Variants in GRIN3B observed in about 807,000 individuals in gnomAD.
The protein encoded by GRIN3B is glutamate receptor ionotropic, NMDA 3B.
Under a neutral mutation model 66.0 loss-of-function variants are expected in GRIN3B, and 77 were observed. The ratio of observed to expected loss-of-function variants is 1.17; its 90% CI spans 0.97 to 1.41. The LOEUF (loss-of-function observed/expected upper bound fraction) is 1.41. Ranked by LOEUF, GRIN3B falls within the 40% of genes most tolerant of loss-of-function variation. The pLI, the probability that GRIN3B is intolerant of heterozygous loss-of-function variation, is 0.00. For synonymous variants in GRIN3B, 823 were observed against 749.7 expected (o/e 1.10, Z -1.60); for missense variants, 1,787 against 1,564.5 (o/e 1.14, Z -2.40).
intron 8 of GRIN3B, 42 bp from the exon 9 acceptor site, chr19:1,009,131 G>A (rs760889469): frequency 3.5e-5 from 50 of 1,441,406 alleles, no homozygotes; most frequent in Non-Finnish European, 4.3e-5. Flanking sequence ...GGCGCGAGAC[G>A]GCTGCCCCGG....
intron 1 of GRIN3B, among the ~76,000 whole-genome samples, chr19:1,001,331 G>T (rs958190960): frequency 2.0e-5 from 3 of 151,896 alleles, no homozygotes; most frequent in Admixed American, 6.5e-5. Flanking sequence ...GGGGTCTGCA[G>T]GTCTGGATCT....
chr19:1,008,806 C>G, intron 7 of GRIN3B, 24 bp downstream of exon 7: 1 of 1,593,354 alleles, frequency 6.3e-7, no homozygotes. Flanking sequence ...GGGCGGCGGG[C>G]GGCCCCACCC....
intron 2 of GRIN3B, among the ~76,000 whole-genome samples, chr19:1,003,947 G>A (rs972713301): frequency 7.9e-5 from 12 of 152,192 alleles, no homozygotes; most frequent in Non-Finnish European, 1.6e-4. Context: ...ACATTAGCTG[G>A]GCGTGGTGAC....
At chr19:1,006,035 G>A (rs2038744799) in intron 3 of GRIN3B, among the ~76,000 whole-genome samples, 1 of 152,156 alleles carries the variant, frequency 6.6e-6, no homozygotes, top group South Asian at 2.1e-4. Flanking sequence ...AAAACACAGA[G>A]ATGGGGGGCT....
rs1448003337 is a variant in GRIN3B, at chr19:1,007,758, G to A, written c.2183G>A (p.Gly728Asp). 1 of 1,516,108 alleles carries A rather than the reference G, an allele frequency of 6.6e-7. No homozygotes were observed. The highest frequency in any genetic ancestry group is 1.2e-5 in the South Asian group (1 of 80,244). The allele number at this position is 1,516,108 out of a possible 1,614,324, so 93.9% of individuals were successfully genotyped here. ...CACAGCGCGCCCACCACGCCCCGCGGCGTCGCCATGCTCACGTGAGCCCGG... is the reference window on the plus strand; with the variant it reads ...CACAGCGCGCCCACCACGCCCCGCGACGTCGCCATGCTCACGTGAGCCCGG... Reference protein sequence around the residue: ...RRHSAPTTPRGVAMLTSDPPK... With the variant: ...RRHSAPTTPRDVAMLTSDPPK... The change falls in exon 4 of 9, where the codon GGC (glycine) becomes GAC (aspartate). Residue 728 changes from glycine (G) to aspartate (D), a missense_variant. Gly to Asp is a moderately conservative substitution (Grantham distance 94). Transcript: ENST00000234389. This position sits in a 1 kb window ranked among gnomAD's most constrained non-coding sequence, Gnocchi z 4.4.
rs1329037340 is a variant in GRIN3B at position 1,007,586 on chromosome 19, C to T, written c.2053-42C>T. ...GGCGCGCCCCTCAATGGTCAGGGGTCCTGAGGGGCAGGCAGAGGCGCTGAC... is the reference window on the plus strand; with the variant it reads ...GGCGCGCCCCTCAATGGTCAGGGGTTCTGAGGGGCAGGCAGAGGCGCTGAC... On this transcript the variant is annotated intron_variant, in intron 3 of 8. Coordinates refer to ENST00000234389, the MANE Select transcript of GRIN3B (RefSeq NM_138690.3). This position sits in a 1 kb window ranked among gnomAD's most constrained non-coding sequence, Gnocchi z 4.4. 2.8e-6 allele frequency: 4 copies of T among 1,443,424 alleles called. No individual in the cohort carries two copies. The highest frequency in any genetic ancestry group is 3.6e-6 in the Non-Finnish European group (4 of 1,100,250). The allele number at this position is 1,443,424 out of a possible 1,614,324, so 89.4% of individuals were successfully genotyped here. A position where few individuals can be genotyped will look rare whatever the true frequency, so the allele number is the denominator to read the frequency against.
chr19:1,008,133 C>T lies in GRIN3B; in HGVS notation c.2315-7C>T, dbSNP rs1274310800. ...CCTGGCCCCACCGCCTGGCCCCGCG[C>T]CCCCAGGCTATGGGATCGGACTGCC... On this transcript the variant is annotated splice_polypyrimidine_tract_variant and splice_region_variant and intron_variant, in intron 5 of 8. Coordinates refer to ENST00000234389, the MANE Select transcript of GRIN3B (RefSeq NM_138690.3). 1.3e-6 allele frequency: 2 copies of T among 1,587,356 alleles called. No individual in the cohort carries two copies. The highest frequency in any genetic ancestry group is 1.7e-4 in the Middle Eastern group (1 of 6,026).
chr19:1,003,809 A>G (rs2240155), intron 2 of GRIN3B, 87 bp downstream of exon 2: 401,350 of 1,048,260 alleles, frequency 0.38, 79,171 homozygotes, highest in African/African-American at 0.47. Context: ...ACGTGAGGCC[A>G]GACGCGGTGG....
In GRIN3B at chr19:1,004,865, C is replaced by T. The variant is rs149732272; in HGVS notation, c.1364C>T (p.Thr455Ile). The change falls in exon 3 of 9, where the codon ACC becomes ATC. Residue 455 changes from threonine (T) to isoleucine (I), a missense_variant. By Grantham distance (89) the Thr-to-Ile change is moderately conservative. Coordinates refer to ENST00000234389, the MANE Select transcript of GRIN3B (RefSeq NM_138690.3). ...CLDPGTNDSA[T>I]LDALFAALAN... ...GACCCTGGCACCAACGACTCGGCCA[C>T]CCTGGACGCACTGTTCGCCGCGCTG... 22 of 1,611,128 alleles carry T rather than the reference C, an allele frequency of 1.4e-5. No individual in the cohort carries two copies. The highest frequency in any genetic ancestry group is 6.8e-6 in the Non-Finnish European group (8 of 1,178,818).
At chr19:1,006,005 AAAAACAAAAAAC>A (rs962991784) in intron 3 of GRIN3B, among the ~76,000 whole-genome samples, 3 of 152,130 alleles carry the variant, frequency 2.0e-5, no homozygotes, top group Non-Finnish European at 2.9e-5. Context: ...CTCCGTCTCA[AAAAACAAAAAAC>A]AAAACAAAAA....
Position 1,003,368 on chromosome 19 carries a change from TGGC to T in GRIN3B, c.670_672del (p.Ala224del), listed in dbSNP as rs764907013. ...GGACTGCGGGCACGCCTGGCCCCGATGGCGGCGCCAGTGGGGGGTGAAGCACCG... is the reference window on the plus strand; with the variant it reads ...GGACTGCGGGCACGCCTGGCCCCGATGGCGCCAGTGGGGGGTGAAGCACCG... On this transcript the variant is annotated inframe_deletion, in exon 2 of 9. Coordinates refer to ENST00000234389, the MANE Select transcript of GRIN3B (RefSeq NM_138690.3). 8 of 1,573,158 alleles carry T rather than the reference TGGC, an allele frequency of 5.1e-6. 1 individual carries two copies. The highest frequency in any genetic ancestry group is 3.5e-5 in the South Asian group (3 of 86,616).
Position 1,007,449 on chromosome 19 carries a change from G to C in GRIN3B, c.2053-179G>C, listed in dbSNP as rs1031494550. Among the ~76,000 whole-genome samples, 11 of 152,010 alleles carry C rather than the reference G, an allele frequency of 7.2e-5. No individual in the cohort carries two copies. Among genetic ancestry groups the C allele is most frequent in the Non-Finnish European group, 1.5e-4 (10 of 67,958 alleles). Reference sequence around the variant, plus strand: ...GGGGACCCTGGACAGTGTGTGTCTAGAGACAGCTGTGGTGGTCACGCCTGG... The same window carrying C: ...GGGGACCCTGGACAGTGTGTGTCTACAGACAGCTGTGGTGGTCACGCCTGG... On this transcript the variant is annotated intron_variant, in intron 3 of 8. Transcript: ENST00000234389. The surrounding 1 kb of genome is among the most constrained non-coding windows in gnomAD (Gnocchi z 4.4).
Position 1,009,630 on chromosome 19 carries a change from G to GAC in GRIN3B, c.*38_*39dup, listed in dbSNP as rs560685871. 6.7e-4 allele frequency: 932 copies of GAC among 1,396,286 alleles called. 10 individuals are homozygous for GAC. The South Asian group carries it at 0.012, about 18-fold the overall frequency. The allele number at this position is 1,396,286 out of a possible 1,614,324, so 86.5% of individuals were successfully genotyped here. On this transcript the variant is annotated 3_prime_UTR_variant, in exon 9 of 9. Transcript: ENST00000234389. ...CGGCAGCCGGGCCGTTTGGGCTCAA[G>GAC]ACACACACACAGCGCAGTGAGCCGC...
chr19:1,003,638 C>G lies in GRIN3B; in HGVS notation c.935C>G (p.Pro312Arg). 7.0e-7 allele frequency: 1 copy of G among 1,419,846 alleles called. No homozygotes were observed. Among genetic ancestry groups the G allele is most frequent in the East Asian group, 2.8e-5 (1 of 35,482 alleles). 88.0% of individuals were successfully genotyped at this position (1,419,846 alleles called of 1,614,324 possible). Reference protein sequence around the residue: ...RALGSAAQVQPKRALLPAPVN... With the variant: ...RALGSAAQVQRKRALLPAPVN... ...CTGGGCAGTGCGGCCCAGGTGCAGC[C>G]GAAGCGAGCCCTCCTCCCCGCCCCG... Residue 312 changes from proline (P) to arginine (R), a missense_variant, in exon 2 of 9, where the codon CCG (proline) becomes CGG (arginine). Coordinates refer to ENST00000234389, the MANE Select transcript of GRIN3B (RefSeq NM_138690.3).
In GRIN3B at chr19:1,009,537, C is replaced by T; in HGVS notation, c.3067C>T (p.Leu1023Phe). ...DSARHRPRRL[L>F]QARAAPAEAP... The stretch of plus-strand genomic sequence containing the variant: ...CGCACGTCACCGGCCTCGGCGCTTG[C>T]TTCAGGCCAGAGCGGCCCCCGCGGA... The change falls in exon 9 of 9, where the codon CTT becomes TTT. Residue 1023 changes from leucine (L) to phenylalanine (F), a missense_variant. Leu to Phe is a conservative substitution (Grantham distance 22, BLOSUM62 0). Coordinates refer to ENST00000234389, the MANE Select transcript of GRIN3B (RefSeq NM_138690.3). The T allele has an allele frequency of 6.7e-7, 1 of 1,485,240 alleles. No individual in the cohort carries two copies. The highest frequency in any genetic ancestry group is 8.9e-7 in the Non-Finnish European group (1 of 1,123,262). 92.0% of individuals were successfully genotyped at this position (1,485,240 alleles called of 1,614,324 possible).
At chr19:1,006,886 G>A (rs2038754828) in intron 3 of GRIN3B, among the ~76,000 whole-genome samples, 1 of 152,220 alleles carries the variant, frequency 6.6e-6, no homozygotes, top group African/African-American at 2.4e-5. Context: ...TGGGATTCAA[G>A]TTTGGGTTTT....
intron 1 of GRIN3B, among the ~76,000 whole-genome samples, chr19:1,002,406 C>G (rs2038693276): frequency 7.1e-6 from 1 of 139,936 alleles, no homozygotes; most frequent in Non-Finnish European, 1.5e-5. Context: ...GTGGAGCTTG[C>G]AGTGAGCTGA....
At chr19:1,001,615 A>G (rs2038685366) in intron 1 of GRIN3B, among the ~76,000 whole-genome samples, 1 of 151,006 alleles carries the variant, frequency 6.6e-6, no homozygotes, top group African/African-American at 2.4e-5. Flanking sequence ...GGAGGTCCCA[A>G]CTCCGGACAT....
chr19:1,009,550 CGGCCCCCGCGG>C lies in GRIN3B; in HGVS notation c.3081_3091del (p.Ala1028GlyfsTer49). The C allele has an allele frequency of 2.1e-6, 3 of 1,463,076 alleles. No homozygotes were observed. Among genetic ancestry groups the C allele is most frequent in the Non-Finnish European group, 1.8e-6 (2 of 1,112,882 alleles). 90.6% of individuals were successfully genotyped at this position (1,463,076 alleles called of 1,614,324 possible). A position where few individuals can be genotyped will look rare whatever the true frequency, so the allele number is the denominator to read the frequency against. ...CCTCGGCGCTTGCTTCAGGCCAGAG[CGGCCCCCGCGG>C]AGGCCCCACCACACTCTGGCCGACC... is the stretch of plus-strand genomic sequence containing the variant. On this transcript the variant is annotated frameshift_variant, in exon 9 of 9. Transcript: ENST00000234389. LOFTEE classifies it low-confidence loss of function (END_TRUNC).
Sources: gnomAD v4.1 joint callset for allele counts (sites outside exome capture counted in the v4.1 genomes callset) on GRCh38, gnomAD v4.1.1 for gene constraint, Gnocchi (gnomAD v3.1) non-coding constraint, MANE v1.5 for transcripts, NCBI Gene and HGNC (gene_info 2026-07-23, HGNC 2026-07-21) for gene names.